ANGPT1: variants seen among roughly 807,000 people sequenced by gnomAD.
The protein encoded by ANGPT1 is angiopoietin 1.
In ANGPT1, 17 loss-of-function variants were observed where a neutral mutation model predicts 62.2. The observed-to-expected ratio is 0.27, with a 90% CI of 0.19 to 0.41. The LOEUF (loss-of-function observed/expected upper bound fraction) is 0.41, where lower values mean the gene tolerates loss of function less well. Among genes scored for constraint, ANGPT1 ranks in the 10% least tolerant of loss-of-function variants. ANGPT1 has a pLI of 1.00. For missense variants in ANGPT1, 478 were observed against 594.9 expected, an observed-to-expected ratio of 0.80 and a Z score of 2.04; for synonymous variants, 199 against 198.9, an observed-to-expected ratio of 1.00 and a Z score of 0.00.
chr8:107,284,661 C>G (rs1814095862), intron 7 of ANGPT1, 21 bp downstream of exon 7: 1 of 1,518,928 alleles, frequency 6.6e-7, no homozygotes, highest in Non-Finnish European at 8.9e-7. Context: ...TAGTCGAACA[C>G]TACACTGTAG....
intron 7 of ANGPT1, among the ~76,000 whole-genome samples, chr8:107,281,049 C>T (rs577625927): frequency 1.3e-5 from 2 of 152,148 alleles, no homozygotes; most frequent in South Asian, 2.1e-4. Context: ...TATTTATATT[C>T]TCTTGGGTTC....
At chr8:107,319,512 C>T (rs1292048859) in intron 4 of ANGPT1, among the ~76,000 whole-genome samples, 2 of 151,460 alleles carry the variant, frequency 1.3e-5, no homozygotes, top group African/African-American at 4.9e-5. Flanking sequence ...GAAATATTTG[C>T]ATATATATAA....
intron 1 of ANGPT1, among the ~76,000 whole-genome samples, chr8:107,479,734 G>A (rs1029943717): frequency 2.0e-5 from 3 of 152,116 alleles, no homozygotes; most frequent in Admixed American, 2.0e-4. Context: ...GATTTTTAAT[G>A]ATCAGAAAAA....
At chr8:107,437,748 A>T (rs1008434903) in intron 1 of ANGPT1, among the ~76,000 whole-genome samples, 1 of 152,188 alleles carries the variant, frequency 6.6e-6, no homozygotes, top group African/African-American at 2.4e-5. Flanking sequence ...CAGGAATCAT[A>T]GATGACAGCA....
chr8:107,414,564 G>A (rs1359916116), intron 1 of ANGPT1, among the ~76,000 whole-genome samples: 1 of 152,088 alleles, frequency 6.6e-6, no homozygotes, highest in Non-Finnish European at 1.5e-5. Flanking sequence ...CTTCTTACAA[G>A]GTAGCCATCA....
chr8:107,277,237 T>C lies in ANGPT1; in HGVS notation c.1205+7445A>G, dbSNP rs146203468. 4.0e-3 allele frequency among the ~76,000 whole-genome samples: 608 copies of C among 152,254 alleles called. 5 individuals are homozygous for C. The highest frequency in any genetic ancestry group is 0.014 in the African/African-American group (563 of 41,560). ...CATAAAAGACAACAAAATAATGAAC[T>C]GTAAGGAACAAACTGTTCCCAAGAT... On this transcript the variant is annotated intron_variant, in intron 7 of 8. Transcript: ENST00000517746.
rs1474152745 is a variant in ANGPT1, at chr8:107,432,500, T to C, written c.297+64762A>G. On this transcript the variant is annotated intron_variant, in intron 1 of 8. Coordinates refer to ENST00000517746, the MANE Select transcript of ANGPT1 (RefSeq NM_001146.5). ...TAACGTAGTGAAACCCTGTCTCTGCTAAAAATACAAAAAATTAGCCACGCA... is the reference window on the plus strand; with the variant it reads ...TAACGTAGTGAAACCCTGTCTCTGCCAAAAATACAAAAAATTAGCCACGCA... Among the ~76,000 whole-genome samples the C allele has an allele frequency of 3.3e-5, 5 of 152,022 alleles. No homozygotes were observed. The East Asian group carries it at 9.7e-4, about 29-fold the overall frequency.
intron 1 of ANGPT1, among the ~76,000 whole-genome samples, chr8:107,405,291 C>G (rs1187066691): frequency 6.6e-6 from 1 of 151,818 alleles, no homozygotes; most frequent in Non-Finnish European, 1.5e-5. Flanking sequence ...AGATCGTACT[C>G]TATATTTTTA....
At chr8:107,348,851 C>T (rs978655849) in intron 1 of ANGPT1, among the ~76,000 whole-genome samples, 1 of 152,162 alleles carries the variant, frequency 6.6e-6, no homozygotes, top group Non-Finnish European at 1.5e-5. Context: ...CCTAGCATCA[C>T]AAATGAGTAC....
chr8:107,363,344 A>G (rs1816207007), intron 1 of ANGPT1, among the ~76,000 whole-genome samples: 1 of 152,212 alleles, frequency 6.6e-6, no homozygotes, highest in Non-Finnish European at 1.5e-5. Context: ...ATCTATTAGA[A>G]GTGTGAATTC....
chr8:107,303,371 C>A lies in ANGPT1; in HGVS notation c.809-4G>T, dbSNP rs75539305. The A allele has an allele frequency of 2.9e-3, 4,080 of 1,426,896 alleles. No homozygotes were observed. The highest frequency in any genetic ancestry group is 9.1e-3 in the South Asian group (704 of 77,256). 88.4% of individuals were successfully genotyped at this position (1,426,896 alleles called of 1,614,324 possible). ...CTTTTTCCTCCCTTTAGTAAAACTG[C>A]AAAAAAAAAAAAAAAGATTGCAATA... On this transcript the variant is annotated splice_polypyrimidine_tract_variant and splice_region_variant and intron_variant, in intron 4 of 8. Transcript: ENST00000517746.
intron 1 of ANGPT1, among the ~76,000 whole-genome samples, chr8:107,467,908 G>A (rs1812246025): frequency 6.6e-6 from 1 of 152,106 alleles, no homozygotes; most frequent in Admixed American, 6.6e-5. Flanking sequence ...CTTGCCTAAA[G>A]CCTAGATGTT....
At chr8:107,268,555 A>G (rs1363721031) in intron 7 of ANGPT1, among the ~76,000 whole-genome samples, 2 of 152,086 alleles carry the variant, frequency 1.3e-5, no homozygotes, top group Non-Finnish European at 2.9e-5. Context: ...AGATAGAATA[A>G]AGGAAAAAAA....
At chr8:107,318,869 T>C (rs1006952085) in intron 4 of ANGPT1, among the ~76,000 whole-genome samples, 2 of 152,174 alleles carry the variant, frequency 1.3e-5, no homozygotes, top group Non-Finnish European at 2.9e-5. Context: ...AATTTTGAAC[T>C]ACATAATTGA....
At chr8:107,437,983 A>C (rs1811373702) in intron 1 of ANGPT1, among the ~76,000 whole-genome samples, 2 of 152,128 alleles carry the variant, frequency 1.3e-5, no homozygotes, top group Non-Finnish European at 2.9e-5. Flanking sequence ...ACCCTGCTGG[A>C]CCTGCGTGAC....
intron 1 of ANGPT1, among the ~76,000 whole-genome samples, chr8:107,485,558 TAGC>T (rs1812793740): frequency 6.6e-6 from 1 of 152,154 alleles, no homozygotes; most frequent in Non-Finnish European, 1.5e-5. Context: ...TGTCTACAAG[TAGC>T]AGTGTTCTTG....
At chr8:107,388,884 A>T (rs1250450885) in intron 1 of ANGPT1, among the ~76,000 whole-genome samples, 1 of 152,184 alleles carries the variant, frequency 6.6e-6, no homozygotes, top group African/African-American at 2.4e-5. Flanking sequence ...GTAAAGTATT[A>T]CCAGAAGGGC....
intron 1 of ANGPT1, among the ~76,000 whole-genome samples, chr8:107,442,593 C>A (rs1811511236): frequency 6.6e-6 from 1 of 152,268 alleles, no homozygotes; most frequent in African/African-American, 2.4e-5. Context: ...TTCTATAAGA[C>A]AATGGAAGCT....
chr8:107,451,249 G>A (rs958263223), intron 1 of ANGPT1, among the ~76,000 whole-genome samples: 16 of 151,482 alleles, frequency 1.1e-4, no homozygotes, highest in Non-Finnish European at 2.4e-4. Context: ...GATTCAGGAA[G>A]GGTTAAAAAT....
Sources: gnomAD v4.1 joint callset for allele counts (sites outside exome capture counted in the v4.1 genomes callset) on GRCh38, gnomAD v4.1.1 for gene constraint, MANE v1.5 for transcripts, NCBI Gene and HGNC (gene_info 2026-07-23, HGNC 2026-07-21) for gene names.